Variants in AIM2 observed in about 807,000 individuals in gnomAD.
AIM2 encodes the protein interferon-inducible protein AIM2.
Under a neutral mutation model 27.7 loss-of-function variants are expected in AIM2, and 30 were observed. The observed-to-expected ratio is 1.08, with a 90% confidence interval of 0.81 to 1.47. The LOEUF is 1.47. AIM2 is among the 40% of genes most tolerant of loss of function. AIM2 has a pLI of 0.00. For missense variants in AIM2, 358 were observed against 411.3 expected (o/e 0.87, Z 1.12); for synonymous variants, 141 against 145.3 (o/e 0.97, Z 0.21).
chr1:159,098,656 C>T (rs144000717), intron 1 of AIM2, among the ~76,000 whole-genome samples: 56 of 152,194 alleles, frequency 3.7e-4, no homozygotes, highest in African/African-American at 1.2e-3. Context: ...AAGGAAAAAT[C>T]CATAAAGTCA....
At chr1:159,105,321 A>T (rs544868118) in intron 1 of AIM2, among the ~76,000 whole-genome samples, 272 of 152,160 alleles carry the variant, frequency 1.8e-3, no homozygotes, top group Admixed American at 4.4e-3. Flanking sequence ...GAAACCACAG[A>T]CCTCCAAAGA....
intron 1 of AIM2, among the ~76,000 whole-genome samples, chr1:159,076,104 C>T (rs1286973627): frequency 6.6e-6 from 1 of 152,112 alleles, no homozygotes; most frequent in Non-Finnish European, 1.5e-5. Context: ...CCAAATGCCC[C>T]CATCCTACTG....
In AIM2 at chr1:159,066,154, T is replaced by G. The variant is rs1656082376; in HGVS notation, c.572A>C (p.Lys191Thr). The G allele has an allele frequency of 6.2e-7, 1 of 1,614,078 alleles. No homozygotes were observed. Among genetic ancestry groups the G allele is most frequent in the African/African-American group, 1.3e-5 (1 of 74,936 alleles). ...VATEKEFFFV[K>T]VFNTLLKDKF... ...ATCTTTCAGCAGTGTATTAAAAACTTTTACAAAGAAGAATTCCTTTTCTGT... is the reference window on the plus strand; with the variant it reads ...ATCTTTCAGCAGTGTATTAAAAACTGTTACAAAGAAGAATTCCTTTTCTGT... The change falls in exon 4 of 6, where the codon AAA (lysine) becomes ACA (threonine). Residue 191 changes from lysine to threonine, a missense_variant. By Grantham distance (78) the Lys-to-Thr change is moderately conservative. Transcript: ENST00000368130.
chr1:159,105,051 T>C (rs1657403923), intron 1 of AIM2, among the ~76,000 whole-genome samples: 1 of 152,192 alleles, frequency 6.6e-6, no homozygotes, highest in Non-Finnish European at 1.5e-5. Context: ...TGGCAGGCTG[T>C]GCTTGGCCTA....
chr1:159,125,010 T>A (rs1024932542), intron 1 of AIM2, among the ~76,000 whole-genome samples: 2 of 152,146 alleles, frequency 1.3e-5, no homozygotes, highest in African/African-American at 4.8e-5. Flanking sequence ...GAGGTGCAAC[T>A]GGAGAGGTAA....
At chr1:159,112,879 A>G (rs1570971370) in intron 1 of AIM2, among the ~76,000 whole-genome samples, 3 of 151,640 alleles carry the variant, frequency 2.0e-5, no homozygotes, top group African/African-American at 7.3e-5. Flanking sequence ...CTGCAAGAAT[A>G]CTGTTTTCAG....
chr1:159,115,784 T>G (rs1430545306), intron 1 of AIM2, among the ~76,000 whole-genome samples: 1 of 152,200 alleles, frequency 6.6e-6, no homozygotes, highest in African/African-American at 2.4e-5. Flanking sequence ...AAGGATTTCA[T>G]GTCTAAAACA....
At chr1:159,081,614 A>G, upstream of AIM2, 1 of 399,742 alleles carries the variant, frequency 2.5e-6, no homozygotes, top group South Asian at 2.1e-5. Context: ...CAAAAATAGC[A>G]TCCAAGGGTC....
chr1:159,075,214 G>A (rs1215229337), intron 1 of AIM2, among the ~76,000 whole-genome samples: 1 of 152,040 alleles, frequency 6.6e-6, no homozygotes, highest in Non-Finnish European at 1.5e-5. Flanking sequence ...ACTATAAAAA[G>A]TGTTCAGACA....
upstream of AIM2, chr1:159,081,742 A>T (rs953692357): frequency 4.3e-5 from 9 of 209,430 alleles, no homozygotes; most frequent in African/African-American, 1.9e-4. Context: ...CAATTAAGTT[A>T]ACTTTAAAAG....
intron 1 of AIM2, among the ~76,000 whole-genome samples, chr1:159,146,323 T>C (rs1648205921): frequency 6.6e-6 from 1 of 152,020 alleles, no homozygotes; most frequent in African/African-American, 2.4e-5. Flanking sequence ...TCTAGCTCAC[T>C]CTCCCTTATC....
At chr1:159,117,309 G>A (rs1647384394) in intron 1 of AIM2, among the ~76,000 whole-genome samples, 1 of 152,144 alleles carries the variant, frequency 6.6e-6, no homozygotes, top group African/African-American at 2.4e-5. Context: ...GATCAGATTA[G>A]GATTCTAGAG....
chr1:159,068,743 A>G, intron 2 of AIM2, 42 bp from the exon 3 acceptor site: 1 of 1,589,022 alleles, frequency 6.3e-7, no homozygotes, highest in Non-Finnish European at 8.6e-7. Context: ...GCATATAAAC[A>G]TATGAGCAGT....
chr1:159,133,632 T>C (rs1323748528), intron 1 of AIM2, among the ~76,000 whole-genome samples: 1 of 152,208 alleles, frequency 6.6e-6, no homozygotes, highest in African/African-American at 2.4e-5. Flanking sequence ...AGTGGATACA[T>C]TTTAGTTATC....
chr1:159,146,792 G>A (rs1057373253), intron 1 of AIM2, among the ~76,000 whole-genome samples: 3 of 152,188 alleles, frequency 2.0e-5, no homozygotes, highest in East Asian at 1.9e-4. Context: ...TTCCGCTGTC[G>A]TTAAAATCTA....
At chr1:159,108,009 T>C (rs1056317668) in intron 1 of AIM2, among the ~76,000 whole-genome samples, 1 of 152,176 alleles carries the variant, frequency 6.6e-6, no homozygotes, top group Non-Finnish European at 1.5e-5. Context: ...ATTGACACTA[T>C]TCCACATCAT....
chr1:159,120,555 C>G (rs1236440432), intron 1 of AIM2, among the ~76,000 whole-genome samples: 1 of 152,082 alleles, frequency 6.6e-6, no homozygotes, highest in Non-Finnish European at 1.5e-5. Flanking sequence ...TATTCTTATT[C>G]CAGTTGATGA....
At chr1:159,083,324 A>G (rs1656825722) in intron 1 of AIM2, among the ~76,000 whole-genome samples, 1 of 152,200 alleles carries the variant, frequency 6.6e-6, no homozygotes, top group South Asian at 2.1e-4. Context: ...TGTATCTTCT[A>G]TTGCAGCAAA....
upstream of AIM2, among the ~76,000 whole-genome samples, chr1:159,144,779 T>C (rs1325110813): frequency 1.3e-5 from 2 of 152,192 alleles, no homozygotes; most frequent in African/African-American, 2.4e-5. Flanking sequence ...GGGATACATA[T>C]GATAAATGCC....
Sources: allele counts gnomAD v4.1 joint callset (sites outside exome capture counted in the v4.1 genomes callset), GRCh38; gene constraint gnomAD v4.1.1; transcripts MANE v1.5; gene names NCBI Gene and HGNC (gene_info 2026-07-23, HGNC 2026-07-21).